PCDHGA7: variants seen among roughly 807,000 people sequenced by gnomAD.
PCDHGA7 encodes the protein protocadherin gamma subfamily A, 7.
Under a neutral mutation model 58.3 loss-of-function variants are expected in PCDHGA7, and 44 were observed. That is an observed-to-expected ratio of 0.75 (90% CI 0.59 to 0.97). The LOEUF (loss-of-function observed/expected upper bound fraction) is 0.97. Among genes scored for constraint, PCDHGA7 ranks in the 50% least tolerant of loss-of-function variants. The pLI, the probability that PCDHGA7 is intolerant of heterozygous loss-of-function variation, is 0.00. For synonymous variants in PCDHGA7, 516 were observed against 504.2 expected, an observed-to-expected ratio of 1.02 and a Z score of -0.31; for missense variants, 1,266 against 1,188.7, an observed-to-expected ratio of 1.06 and a Z score of -0.96.
Position 141,410,082 on chromosome 5 carries a change from G to A in PCDHGA7, c.2424+24759G>A, listed in dbSNP as rs780485949. 1.6e-5 allele frequency: 25 copies of A among 1,612,386 alleles called. No individual in the cohort carries two copies. The Admixed American group carries it at 3.8e-4, about 25-fold the overall frequency. On this transcript the variant is annotated intron_variant, in intron 1 of 3. Transcript: ENST00000518325. ...CTGGGGCTGCGCACTGGGGAGGTGC[G>A]CACGGCTCGAGCCTTAGGCGACAGG... is the stretch of plus-strand genomic sequence containing the variant.
intron 1 of PCDHGA7, chr5:141,415,272 A>G (rs771588742): frequency 1.3e-5 from 21 of 1,614,208 alleles, no homozygotes; most frequent in African/African-American, 9.3e-5. Context: ...ACCTGGTGGT[A>G]GCGGTGGCCG....
intron 1 of PCDHGA7, chr5:141,407,888 C>T (rs769893466): frequency 2.6e-6 from 1 of 388,626 alleles, no homozygotes; most frequent in Non-Finnish European, 4.6e-6. Flanking sequence ...TTTCGGAGAC[C>T]GAATTCAAAA....
rs1349189547 is a variant in PCDHGA7 at position 141,432,777 on chromosome 5, C to T, written c.2424+47454C>T. Reference sequence around the variant, plus strand: ...GCCGACAGCATCCCCCAAGTCCTGGCGGACCTCGGCAGCCTCGAGTCTCCA... The same window carrying T: ...GCCGACAGCATCCCCCAAGTCCTGGTGGACCTCGGCAGCCTCGAGTCTCCA... On this transcript the variant is annotated intron_variant, in intron 1 of 3. Coordinates refer to ENST00000518325, the MANE Select transcript of PCDHGA7 (RefSeq NM_018920.4). This position sits in a 1 kb window ranked among gnomAD's most constrained non-coding sequence, Gnocchi z 6.0. The T allele has an allele frequency of 6.2e-6, 10 of 1,614,154 alleles. No individual in the cohort carries two copies. The highest frequency in any genetic ancestry group is 7.6e-6 in the Non-Finnish European group (9 of 1,179,992).
At chr5:141,394,754 G>T (rs753264235) in intron 1 of PCDHGA7, 2 of 1,613,428 alleles carry the variant, frequency 1.2e-6, no homozygotes, top group Non-Finnish European at 1.7e-6. Context: ...TGGCCGTCCA[G>T]GACCATGGCC....
chr5:141,423,238 G>C (rs765040062), intron 1 of PCDHGA7: 4 of 1,613,778 alleles, frequency 2.5e-6, no homozygotes, highest in South Asian at 2.2e-5. Context: ...CAGCATCCCC[G>C]AAGTCCTGGC....
chr5:141,439,830 C>T (rs2098134193), intron 1 of PCDHGA7: 1 of 152,352 alleles, frequency 6.6e-6, no homozygotes, highest in South Asian at 2.1e-4. Context: ...GCTGGAGCAG[C>T]AGCAACTCTA....
rs200790843 is a variant in PCDHGA7 at position 141,432,196 on chromosome 5, C to A, written c.2424+46873C>A. ...TCGTCTCTGTGACCGCCCACGACCCCGACTGTGAAGAGAACGCCCAGATCA... is the reference window on the plus strand; with the variant it reads ...TCGTCTCTGTGACCGCCCACGACCCAGACTGTGAAGAGAACGCCCAGATCA... On this transcript the variant is annotated intron_variant, in intron 1 of 3. Coordinates refer to ENST00000518325, the MANE Select transcript of PCDHGA7 (RefSeq NM_018920.4). This position sits in a 1 kb window ranked among gnomAD's most constrained non-coding sequence, Gnocchi z 6.0. The A allele has an allele frequency of 6.2e-7, 1 of 1,614,192 alleles. No homozygotes were observed.
rs199537783 is a variant in PCDHGA7 at position 141,389,536 on chromosome 5, A to G, written c.2424+4213A>G. 177 of 1,613,198 alleles carry G rather than the reference A, an allele frequency of 1.1e-4. No individual in the cohort carries two copies. Among genetic ancestry groups the G allele is most frequent in the Middle Eastern group, 9.9e-4 (6 of 6,036 alleles). On this transcript the variant is annotated intron_variant, in intron 1 of 3. Coordinates refer to ENST00000518325, the MANE Select transcript of PCDHGA7 (RefSeq NM_018920.4). ...AACGTGAGCCTGCGCGTGTTAGTGG[A>G]CGACCGCAACGACAATGCGCCACGG...
chr5:141,411,724 A>G (rs2095509404), intron 1 of PCDHGA7: 1 of 152,684 alleles, frequency 6.5e-6, no homozygotes, highest in South Asian at 2.1e-4. Flanking sequence ...GCTACAGAAC[A>G]TTTAAAAATT....
chr5:141,399,283 G>A, intron 1 of PCDHGA7: 2 of 1,613,888 alleles, frequency 1.2e-6, no homozygotes, highest in Non-Finnish European at 1.7e-6. Flanking sequence ...ACAAGGCGAA[G>A]TCCCTTTTAA....
chr5:141,384,827 T>A lies in PCDHGA7; in HGVS notation c.1928T>A (p.Val643Glu), dbSNP rs182404532. ...LDRDALKQSL[V>E]VAVQDHGQPP... ...AGAGATGCCCTCAAGCAGAGCCTCG[T>A]GGTGGCCGTCCAGGACCACGGTCAG... Residue 643 changes from valine to glutamate, a missense_variant, in exon 1 of 4, where the codon GTG (valine) becomes GAG (glutamate). Transcript: ENST00000518325. The A allele has an allele frequency of 2.2e-4, 348 of 1,613,356 alleles. No individual in the cohort carries two copies. The highest frequency in any genetic ancestry group is 2.5e-4 in the Non-Finnish European group (296 of 1,179,908).
rs781550738 is a variant in PCDHGA7 at position 141,487,383 on chromosome 5, C to A, written c.2425-7424C>A. On this transcript the variant is annotated intron_variant, in intron 1 of 3. Transcript: ENST00000518325. This position sits in a 1 kb window ranked among gnomAD's most constrained non-coding sequence, Gnocchi z 5.0. Reference sequence around the variant, plus strand: ...GGCACCTGTGCCTGTCTCACCAGATCTCGAAGGAGGGAGGGGCTTCCCCCT... The same window carrying A: ...GGCACCTGTGCCTGTCTCACCAGATATCGAAGGAGGGAGGGGCTTCCCCCT... The A allele has an allele frequency of 3.7e-6, 6 of 1,614,196 alleles. No individual in the cohort carries two copies. The South Asian group carries it at 6.6e-5, about 18-fold the overall frequency.
At chr5:141,404,476 C>G (rs1453332441) in intron 1 of PCDHGA7, 3 of 1,613,362 alleles carry the variant, frequency 1.9e-6, no homozygotes, top group Non-Finnish European at 2.5e-6. Context: ...TCTCTATTAA[C>G]TCAGACACTG....
intron 1 of PCDHGA7, among the ~76,000 whole-genome samples, chr5:141,465,137 GGGGA>G (rs2099097662): frequency 2.0e-5 from 3 of 151,520 alleles, no homozygotes; most frequent in Non-Finnish European, 4.4e-5. Context: ...AAAAAGTTTA[GGGGA>G]TATATGAAGG....
chr5:141,439,297 G>T (rs1252051365), intron 1 of PCDHGA7, among the ~76,000 whole-genome samples: 1 of 152,064 alleles, frequency 6.6e-6, no homozygotes, highest in African/African-American at 2.4e-5. Context: ...CATGGAAAAA[G>T]TAAAGCCCAG....
In PCDHGA7 at chr5:141,485,076, G is replaced by A; in HGVS notation, c.2425-9731G>A. 2.1e-6 allele frequency: 2 copies of A among 944,586 alleles called. No homozygotes were observed. Among genetic ancestry groups the A allele is most frequent in the East Asian group, 2.4e-5 (1 of 41,508 alleles). The allele number at this position is 944,586 out of a possible 1,614,324, so 58.5% of individuals were successfully genotyped here. ...CCGAACCGCGCCAGAGCTGGCGCGG[G>A]GAAAGGGAGATAGGTGTCTCCAGCT... On this transcript the variant is annotated intron_variant, in intron 1 of 3. Coordinates refer to ENST00000518325, the MANE Select transcript of PCDHGA7 (RefSeq NM_018920.4). This position sits in a 1 kb window ranked among gnomAD's most constrained non-coding sequence, Gnocchi z 5.7.
At chr5:141,496,402 G>T (rs551923899) in intron 2 of PCDHGA7, among the ~76,000 whole-genome samples, 183 of 152,248 alleles carry the variant, frequency 1.2e-3, no homozygotes, top group African/African-American at 4.0e-3. Flanking sequence ...CCTCCTCAAT[G>T]GTTGAGTACT....
Position 141,476,294 on chromosome 5 carries a change from A to G in PCDHGA7, c.2425-18513A>G. 6.2e-7 allele frequency: 1 copy of G among 1,613,036 alleles called. No homozygotes were observed. The highest frequency in any genetic ancestry group is 8.5e-7 in the Non-Finnish European group (1 of 1,179,642). On this transcript the variant is annotated intron_variant, in intron 1 of 3. Transcript: ENST00000518325. The surrounding 1 kb of genome is among the most constrained non-coding windows in gnomAD (Gnocchi z 7.6). ...CGCGAACCTTGGTTTGGATCTCGGT[A>G]GCCTCTCAGCCCGCAGGTTCCGGGT...
chr5:141,404,596 G>A, intron 1 of PCDHGA7: 1 of 1,614,080 alleles, frequency 6.2e-7, no homozygotes, highest in Non-Finnish European at 8.5e-7. Context: ...ATGTGTCATT[G>A]AGACTGTTTG....
Sources: gnomAD v4.1 joint callset for allele counts (sites outside exome capture counted in the v4.1 genomes callset) on GRCh38, gnomAD v4.1.1 for gene constraint, Gnocchi (gnomAD v3.1) non-coding constraint, MANE v1.5 for transcripts, NCBI Gene and HGNC (gene_info 2026-07-23, HGNC 2026-07-21) for gene names.